PLGRKT: variants seen among roughly 807,000 people sequenced by gnomAD.
PLGRKT encodes the protein plasminogen receptor with a C-terminal lysine, also known as plasminogen receptor (KT).
In PLGRKT, 22 loss-of-function variants were observed where a neutral mutation model predicts 18.5. That is an observed-to-expected ratio of 1.19 (90% CI 0.85 to 1.70). The LOEUF (loss-of-function observed/expected upper bound fraction) is 1.70, where lower values mean the gene tolerates loss of function less well. Ranked by LOEUF, PLGRKT falls within the 40% of genes most tolerant of loss-of-function variation. The pLI is 0.00. For synonymous variants in PLGRKT, 72 were observed against 52.8 expected, an observed-to-expected ratio of 1.36 and a Z score of -1.58; for missense variants, 235 against 174.4, an observed-to-expected ratio of 1.35 and a Z score of -1.96.
chr9:5,424,433 T>TAAAA (rs1818641425), intron 3 of PLGRKT, among the ~76,000 whole-genome samples: 3 of 105,588 alleles, frequency 2.8e-5, no homozygotes, highest in South Asian at 2.5e-4. Flanking sequence ...ATATAACATA[T>TAAAA]TATAAAATAT....
At chr9:5,419,045 T>G (rs1230489240) in intron 3 of PLGRKT, 2 of 409,844 alleles carry the variant, frequency 4.9e-6, no homozygotes, top group Non-Finnish European at 4.7e-6. Flanking sequence ...AGGCCGCCGC[T>G]CTGCGTCTTT....
intron 3 of PLGRKT, among the ~76,000 whole-genome samples, chr9:5,415,388 G>A (rs75195408): frequency 0.012 from 1,887 of 152,208 alleles, 22 homozygotes; most frequent in Middle Eastern, 0.034. Context: ...CAGATGAAAT[G>A]AAGTAAATAA....
In PLGRKT at chr9:5,418,799, G is replaced by A. The variant is rs1306196799; in HGVS notation, c.81+13098C>T. The A allele has an allele frequency of 7.8e-6, 7 of 892,658 alleles. No homozygotes were observed. The highest frequency in any genetic ancestry group is 1.7e-5 in the African/African-American group (1 of 60,566). The allele number at this position is 892,658 out of a possible 1,614,324, so 55.3% of individuals were successfully genotyped here. On this transcript the variant is annotated intron_variant, in intron 3 of 5. Transcript: ENST00000223864. This position sits in a 1 kb window ranked among gnomAD's most constrained non-coding sequence, Gnocchi z 4.2. Reference sequence around the variant, plus strand: ...AGCTGCGACACGGAGAAGTCAGGGGGCAGCTTGGTGACACCGCTGCACCAG... The same window carrying A: ...AGCTGCGACACGGAGAAGTCAGGGGACAGCTTGGTGACACCGCTGCACCAG...
At chr9:5,392,070 C>A (rs974821034) in intron 3 of PLGRKT, among the ~76,000 whole-genome samples, 1 of 151,934 alleles carries the variant, frequency 6.6e-6, no homozygotes, top group Admixed American at 6.5e-5. Context: ...GTGTGTGAGG[C>A]AGCAACAAGG....
intron 3 of PLGRKT, among the ~76,000 whole-genome samples, chr9:5,372,351 T>C (rs781412254): frequency 6.6e-6 from 1 of 152,172 alleles, no homozygotes; most frequent in Non-Finnish European, 1.5e-5. Flanking sequence ...GTTACATATA[T>C]TCATATTCTA....
At chr9:5,423,477 T>G (rs1185575795) in intron 3 of PLGRKT, among the ~76,000 whole-genome samples, 1 of 152,166 alleles carries the variant, frequency 6.6e-6, no homozygotes, top group Non-Finnish European at 1.5e-5. Context: ...CATTTTATCC[T>G]TACGTACACT....
intron 3 of PLGRKT, among the ~76,000 whole-genome samples, chr9:5,400,904 G>C (rs1818141603): frequency 6.6e-6 from 1 of 151,878 alleles, no homozygotes; most frequent in African/African-American, 2.4e-5. Flanking sequence ...CTGAGGCACT[G>C]CTTTGTAAAT....
intron 3 of PLGRKT, chr9:5,382,031 C>A: frequency 1.0e-6 from 1 of 984,818 alleles, no homozygotes. Flanking sequence ...AAATGTGCAC[C>A]CTGAAAAAAA....
At position 5,418,190 on chromosome 9, in the gene PLGRKT, G is replaced by A. The variant is rs149026849; in HGVS notation, c.81+13707C>T. On this transcript the variant is annotated intron_variant, in intron 3 of 5. Transcript: ENST00000223864. This position sits in a 1 kb window ranked among gnomAD's most constrained non-coding sequence, Gnocchi z 4.2. ...CTCAGAGCAAGTTGCCTGGTATCTTGTTGAGACCTCACCTTCTGCCCTTCA... is the reference window on the plus strand; with the variant it reads ...CTCAGAGCAAGTTGCCTGGTATCTTATTGAGACCTCACCTTCTGCCCTTCA... Among the ~76,000 whole-genome samples, 6 of 152,284 alleles carry A rather than the reference G, an allele frequency of 3.9e-5. No individual in the cohort carries two copies. The highest frequency in any genetic ancestry group is 9.6e-5 in the African/African-American group (4 of 41,558).
At chr9:5,372,566 C>G (rs938623347) in intron 3 of PLGRKT, among the ~76,000 whole-genome samples, 1 of 152,160 alleles carries the variant, frequency 6.6e-6, no homozygotes, top group Non-Finnish European at 1.5e-5. Flanking sequence ...TCAGCCAGAA[C>G]GTGGGATTCT....
At chr9:5,376,720 G>A (rs1341136120) in intron 3 of PLGRKT, among the ~76,000 whole-genome samples, 2 of 152,134 alleles carry the variant, frequency 1.3e-5, no homozygotes, top group African/African-American at 4.8e-5. Flanking sequence ...AATGGAAAAA[G>A]CAAGGTACAG....
chr9:5,430,360 C>T (rs879772725), intron 3 of PLGRKT, among the ~76,000 whole-genome samples: 4 of 152,184 alleles, frequency 2.6e-5, no homozygotes, highest in Non-Finnish European at 5.9e-5. Context: ...GATTTGTAAA[C>T]CTAATACTTG....
intron 3 of PLGRKT, among the ~76,000 whole-genome samples, chr9:5,387,279 T>C (rs7028486): frequency 0.29 from 43,488 of 151,682 alleles, 6,524 homozygotes; most frequent in Non-Finnish European, 0.3. Flanking sequence ...GAAATGTAAT[T>C]TGACATTTCA....
chr9:5,375,777 G>A (rs1817615463), intron 3 of PLGRKT, among the ~76,000 whole-genome samples: 1 of 152,280 alleles, frequency 6.6e-6, no homozygotes, highest in South Asian at 2.1e-4. Context: ...CAGTTGCTGT[G>A]GAAAATGGTA....
In PLGRKT at chr9:5,383,957, T is replaced by C. The variant is rs138654792; in HGVS notation, c.82-22069A>G. On this transcript the variant is annotated intron_variant, in intron 3 of 5. Transcript: ENST00000223864. Reference sequence around the variant, plus strand: ...AAGGCCAGATGACTTCAGCTTCAGATGTGCTGAATTTGCGGGGCCTGGGAA... The same window carrying C: ...AAGGCCAGATGACTTCAGCTTCAGACGTGCTGAATTTGCGGGGCCTGGGAA... 2.2e-4 allele frequency among the ~76,000 whole-genome samples: 34 copies of C among 152,322 alleles called. No individual in the cohort carries two copies. In the Middle Eastern group the frequency reaches 0.014, roughly 61 times the overall value.
chr9:5,429,861 G>T (rs1388598952), intron 3 of PLGRKT, among the ~76,000 whole-genome samples: 4 of 152,152 alleles, frequency 2.6e-5, no homozygotes, highest in Non-Finnish European at 5.9e-5. Flanking sequence ...TGTTAAAAAT[G>T]AACCCATGGA....
chr9:5,414,010 A>G (rs569075189), intron 3 of PLGRKT, among the ~76,000 whole-genome samples: 1 of 152,348 alleles, frequency 6.6e-6, no homozygotes, highest in South Asian at 2.1e-4. Context: ...TATAGCTATT[A>G]ACTGTACCAA....
chr9:5,411,539 C>A (rs1818366648), intron 3 of PLGRKT, among the ~76,000 whole-genome samples: 2 of 152,082 alleles, frequency 1.3e-5, no homozygotes, highest in African/African-American at 4.8e-5. Flanking sequence ...GTTACTGAAC[C>A]AGTAAGTGAT....
rs1818831305 is a variant in PLGRKT at position 5,431,804 on chromosome 9, G to T, written c.81+93C>A. ...GATGCAGCCCAAAGAACATTTTATT[G>T]TTGGGAGTCAAAGAGAATGTACGGC... is the stretch of plus-strand genomic sequence containing the variant. On this transcript the variant is annotated intron_variant, in intron 3 of 5. Coordinates refer to ENST00000223864, the MANE Select transcript of PLGRKT (RefSeq NM_018465.4). 4 of 662,046 alleles carry T rather than the reference G, an allele frequency of 6.0e-6. No individual in the cohort carries two copies. The East Asian group carries it at 7.8e-5, about 13-fold the overall frequency. The allele number at this position is 662,046 out of a possible 1,614,324, so 41.0% of individuals were successfully genotyped here.
Sources: gnomAD v4.1 joint callset for allele counts (sites outside exome capture counted in the v4.1 genomes callset) on GRCh38, gnomAD v4.1.1 for gene constraint, Gnocchi (gnomAD v3.1) non-coding constraint, MANE v1.5 for transcripts, NCBI Gene and HGNC (gene_info 2026-07-23, HGNC 2026-07-21) for gene names.